The following DNAJB6 variants were observed in gnomAD, a reference collection of about 807,000 sequenced individuals.
The protein encoded by DNAJB6 is DnaJ heat shock protein family (Hsp40) member B6, also known as dnaJ homolog subfamily B member 6.
DNAJB6 carries 16 observed loss-of-function variants against 42.7 expected under a neutral mutation model. The observed-to-expected ratio is 0.37, with a 90% CI of 0.25 to 0.57. DNAJB6 has a LOEUF of 0.57. Ranked by LOEUF, DNAJB6 falls within the 20% of genes least tolerant of loss-of-function variation. The probability of loss-of-function intolerance (pLI) is 0.74; values close to 1 mark genes in which losing one functional copy is unlikely to be tolerated. For missense variants in DNAJB6, 347 were observed against 416.8 expected (o/e 0.83, Z 1.46); for synonymous variants, 170 against 163.5 (o/e 1.04, Z -0.30).
At chr7:157,415,642 C>T (rs980279077) in intron 9 of DNAJB6, 3 of 220,634 alleles carry the variant, frequency 1.4e-5, no homozygotes, top group African/African-American at 2.3e-5. Flanking sequence ...TGCCGCTGGG[C>T]GGAACTGGGG....
chr7:157,351,651 ACAACAACAAC>A (rs1345502255), intron 1 of DNAJB6, among the ~76,000 whole-genome samples: 8 of 112,716 alleles, frequency 7.1e-5, no homozygotes, highest in Non-Finnish European at 1.3e-4. Context: ...AACAACAACA[ACAACAACAAC>A]AAAAAAAACC....
intron 1 of DNAJB6, among the ~76,000 whole-genome samples, chr7:157,345,402 T>TC (rs1798631698): frequency 1.3e-5 from 2 of 152,124 alleles, no homozygotes; most frequent in South Asian, 4.1e-4. Flanking sequence ...GCATCCTTGA[T>TC]CTCTTGCGCT....
At chr7:157,372,865 T>C (rs899820719) in intron 5 of DNAJB6, among the ~76,000 whole-genome samples, 3 of 152,192 alleles carry the variant, frequency 2.0e-5, no homozygotes, top group African/African-American at 7.2e-5. Flanking sequence ...CCAGCTGTTC[T>C]TCTCCCTACA....
At chr7:157,368,421 T>C (rs1224799856) in intron 5 of DNAJB6, among the ~76,000 whole-genome samples, 1 of 152,216 alleles carries the variant, frequency 6.6e-6, no homozygotes, top group Non-Finnish European at 1.5e-5. Context: ...AAACATTGTG[T>C]GTGAGGACTG....
intron 9 of DNAJB6, 32 bp from the exon 10 acceptor site, chr7:157,415,984 C>G: frequency 6.8e-6 from 11 of 1,613,934 alleles, no homozygotes; most frequent in Non-Finnish European, 9.3e-6. Context: ...AGTGCTGTTC[C>G]GTACAGTGTT....
intron 8 of DNAJB6, among the ~76,000 whole-genome samples, chr7:157,393,600 C>T (rs1801449149): frequency 6.6e-6 from 1 of 152,220 alleles, no homozygotes; most frequent in Admixed American, 6.5e-5. Flanking sequence ...CCATGCCCTG[C>T]CTACCCCAAC....
intron 1 of DNAJB6, among the ~76,000 whole-genome samples, chr7:157,343,840 A>T (rs1180339686): frequency 6.6e-6 from 1 of 152,052 alleles, no homozygotes; most frequent in Non-Finnish European, 1.5e-5. Flanking sequence ...GATTAGGCTA[A>T]TTTTTTTCAT....
In DNAJB6 at chr7:157,366,502, C is replaced by T. The variant is rs757579411; in HGVS notation, c.176C>T (p.Ala59Val). The T allele has an allele frequency of 6.2e-7, 1 of 1,613,828 alleles. No homozygotes were observed. The highest frequency in any genetic ancestry group is 8.5e-7 in the Non-Finnish European group (1 of 1,179,912). The change falls in exon 4 of 10, where the codon GCT becomes GTT. Residue 59 changes from alanine to valine, a missense_variant and splice_region_variant. Physicochemically the swap from Ala to Val is moderately conservative, Grantham distance 64 (BLOSUM62 0). Around this residue, in one of 3 missense-constraint regions of DNAJB6, gnomAD observed 78 missense variants for 102.1 expected, o/e 0.76. Coordinates refer to ENST00000262177, the MANE Select transcript of DNAJB6 (RefSeq NM_058246.4). ...TACCGACTTTTCTTTCAATTTTTAG[C>T]TAAGAAACGGGACATCTATGACAAA... is the stretch of plus-strand genomic sequence containing the variant. ...VAEAYEVLSD[A>V]KKRDIYDKYG... is the part of the protein sequence containing the mutation.
chr7:157,374,320 C>T (rs952938719), intron 5 of DNAJB6, among the ~76,000 whole-genome samples: 31 of 152,102 alleles, frequency 2.0e-4, no homozygotes, highest in Non-Finnish European at 3.7e-4. Flanking sequence ...AGTGCAGTGG[C>T]GTGATCTCGG....
intron 8 of DNAJB6, among the ~76,000 whole-genome samples, chr7:157,407,656 G>A (rs1314157124): frequency 6.6e-6 from 1 of 152,126 alleles, no homozygotes; most frequent in Non-Finnish European, 1.5e-5. Flanking sequence ...GGGCTGGGAT[G>A]GCCCAGGGTG....
intron 5 of DNAJB6, chr7:157,369,416 C>A: frequency 2.2e-6 from 1 of 456,550 alleles, no homozygotes; most frequent in Non-Finnish European, 4.4e-6. Flanking sequence ...CTCATGGTGA[C>A]CAAGCGAGGA....
At chr7:157,395,970 C>T (rs868474841) in intron 8 of DNAJB6, among the ~76,000 whole-genome samples, 5 of 132,306 alleles carry the variant, frequency 3.8e-5, no homozygotes, top group Admixed American at 8.3e-5. Flanking sequence ...TTTTTGGAGA[C>T]GTAGTCTTAC....
At chr7:157,354,192 G>T (rs1299725838) in intron 1 of DNAJB6, among the ~76,000 whole-genome samples, 1 of 152,020 alleles carries the variant, frequency 6.6e-6, no homozygotes, top group Non-Finnish European at 1.5e-5. Context: ...TTGTTGCCCA[G>T]GCTGGAGTGC....
At chr7:157,388,897 T>A (rs1052644772) in intron 8 of DNAJB6, among the ~76,000 whole-genome samples, 2 of 152,230 alleles carry the variant, frequency 1.3e-5, no homozygotes, top group African/African-American at 4.8e-5. Context: ...TTATAAAATT[T>A]AAGCTTTTTA....
In DNAJB6 at chr7:157,344,076, C is replaced by T. The variant is rs375109386; in HGVS notation, c.-27+6932C>T. 1.2e-4 allele frequency among the ~76,000 whole-genome samples: 19 copies of T among 152,236 alleles called. No individual in the cohort carries two copies. In the South Asian group the frequency reaches 3.5e-3, roughly 28 times the overall value. On this transcript the variant is annotated intron_variant, in intron 1 of 9. Coordinates refer to ENST00000262177, the MANE Select transcript of DNAJB6 (RefSeq NM_058246.4). ...TAATTATGGGCCGGGTGTGGTGGCT[C>T]ACACCTGTAATCCCAGTACTTTGGG...
chr7:157,341,663 T>C lies in DNAJB6; in HGVS notation c.-27+4519T>C, dbSNP rs578075305. Reference sequence around the variant, plus strand: ...CTCTCTGCCACCTTGAGATGGCATGTACCACTTGGGTGGGCTTTGAATCTG... The same window carrying C: ...CTCTCTGCCACCTTGAGATGGCATGCACCACTTGGGTGGGCTTTGAATCTG... On this transcript the variant is annotated intron_variant, in intron 1 of 9. Coordinates refer to ENST00000262177, the MANE Select transcript of DNAJB6 (RefSeq NM_058246.4). 2.6e-5 allele frequency among the ~76,000 whole-genome samples: 4 copies of C among 152,348 alleles called. No individual in the cohort carries two copies. In the South Asian group the frequency reaches 6.2e-4, roughly 24 times the overall value.
chr7:157,377,825 C>T (rs1218199381), intron 5 of DNAJB6, among the ~76,000 whole-genome samples: 1 of 152,144 alleles, frequency 6.6e-6, no homozygotes, highest in Non-Finnish European at 1.5e-5. Context: ...AACTTGGCAC[C>T]CATATGCATT....
In DNAJB6 at chr7:157,342,040, T is replaced by G. The variant is rs79633335; in HGVS notation, c.-27+4896T>G. Among the ~76,000 whole-genome samples the G allele has an allele frequency of 8.8e-3, 1,340 of 152,148 alleles. 19 individuals are homozygous for G. Among genetic ancestry groups the G allele is most frequent in the African/African-American group, 0.03 (1,240 of 41,528 alleles). Reference sequence around the variant, plus strand: ...CGCCACTACACCTGGCTAATTGTTGTATATTTAGTAGAGAGTGGGTTTTGC... The same window carrying G: ...CGCCACTACACCTGGCTAATTGTTGGATATTTAGTAGAGAGTGGGTTTTGC... On this transcript the variant is annotated intron_variant, in intron 1 of 9. Transcript: ENST00000262177.
intron 1 of DNAJB6, among the ~76,000 whole-genome samples, chr7:157,339,646 TGA>T (rs1328054004): frequency 0.02 from 656 of 33,238 alleles, 6 homozygotes; most frequent in African/African-American, 0.04. Context: ...TGTGTGTGTG[TGA>T]GATGGAGTTT....
Sources: allele counts gnomAD v4.1 joint callset (sites outside exome capture counted in the v4.1 genomes callset), GRCh38; gene constraint gnomAD v4.1.1; regional missense constraint gnomAD v4.1.1; transcripts MANE v1.5; gene names NCBI Gene and HGNC (gene_info 2026-07-23, HGNC 2026-07-21).